Variants in AMMECR1 observed in about 807,000 individuals in gnomAD.
AMMECR1 encodes the protein nuclear protein AMMECR1.
AMMECR1 carries 3 observed loss-of-function variants against 22.5 expected under a neutral mutation model. That is an observed-to-expected ratio of 0.13 (90% confidence interval 0.06 to 0.35). The LOEUF (loss-of-function observed/expected upper bound fraction) is 0.35, where lower values mean the gene tolerates loss of function less well. Ranked by LOEUF, AMMECR1 falls within the 10% of genes least tolerant of loss-of-function variation. The probability of loss-of-function intolerance (pLI) is 1.00; values close to 1 mark genes in which losing one functional copy is unlikely to be tolerated. For missense variants in AMMECR1, 235 were observed against 278.7 expected (o/e 0.84, Z 1.12); for synonymous variants, 130 against 116.7 (o/e 1.11, Z -0.74).
At chrX:110,339,701 G>A (rs1460993995) in intron 2 of AMMECR1, among the ~76,000 whole-genome samples, 3 of 109,888 alleles carry the variant, frequency 2.7e-5, no homozygotes, top group Non-Finnish European at 5.7e-5. Flanking sequence ...TCTCCATATT[G>A]GTCAGGCTGG....
chrX:110,434,458 C>T (rs1000749741), intron 1 of AMMECR1, among the ~76,000 whole-genome samples: 1 of 111,475 alleles, frequency 9.0e-6, no homozygotes, highest in African/African-American at 3.3e-5. Context: ...CTCTGAACCA[C>T]GACCGTGGCA....
chrX:110,381,993 C>T (rs1218439733), intron 2 of AMMECR1, among the ~76,000 whole-genome samples: 1 of 110,543 alleles, frequency 9.0e-6, no homozygotes, highest in African/African-American at 3.3e-5. Flanking sequence ...ACATGTACCC[C>T]CTGAATCTAA....
chrX:110,396,954 G>C (rs964243566), intron 2 of AMMECR1, among the ~76,000 whole-genome samples: 2 of 111,618 alleles, frequency 1.8e-5, no homozygotes, highest in African/African-American at 6.5e-5. Flanking sequence ...CTACAGGCAG[G>C]CTGGCCACAC....
At chrX:110,397,463 G>A (rs1474409954) in intron 2 of AMMECR1, among the ~76,000 whole-genome samples, 1 of 109,750 alleles carries the variant, frequency 9.1e-6, no homozygotes, top group Admixed American at 9.8e-5. Flanking sequence ...GCCAAGCAGA[G>A]GACAATGAAG....
chrX:110,231,310 G>A (rs757412588), intron 2 of AMMECR1, among the ~76,000 whole-genome samples: 15 of 111,365 alleles, frequency 1.3e-4, no homozygotes, highest in South Asian at 7.4e-4. Context: ...AGGGAACAGC[G>A]GATCTCTCAG....
rs1225190143 is a variant in AMMECR1 at position 110,331,795 on chromosome X, C to G, written c.-147-13946G>C. 3.6e-5 allele frequency among the ~76,000 whole-genome samples: 4 copies of G among 112,018 alleles called. No individual in the cohort carries two copies. The South Asian group carries it at 1.5e-3, about 42-fold the overall frequency. ...CTGCAGACTAGTTCTCTAGCGTTGT[C>G]TTTCACCATTATCCTCCCCCCAAGA... On this transcript the variant is annotated intron_variant, in intron 2 of 7. Coordinates refer to the AMMECR1 transcript ENST00000372057.
chrX:110,387,252 C>G (rs1274266050), intron 2 of AMMECR1, among the ~76,000 whole-genome samples: 1 of 112,462 alleles, frequency 8.9e-6, no homozygotes, highest in Non-Finnish European at 1.9e-5. Flanking sequence ...TGAAGACTTA[C>G]GTGGCCTCTG....
chrX:110,317,829 CCCGCCG>C lies in AMMECR1; in HGVS notation c.237_242del (p.Gly81_Gly82del), dbSNP rs763207969. The C allele has an allele frequency of 7.8e-6, 9 of 1,152,603 alleles. No homozygotes were observed. Among genetic ancestry groups the C allele is most frequent in the Non-Finnish European group, 8.1e-6 (7 of 865,843 alleles). 95.0% of individuals were successfully genotyped at this position (1,152,603 alleles called of 1,213,427 possible). On this transcript the variant is annotated inframe_deletion, in exon 1 of 6. Coordinates refer to ENST00000262844, the MANE Select transcript of AMMECR1 (RefSeq NM_015365.3). ...TCGGAGGTGGCGACAGGGCGATCCC[CCCGCCG>C]CCGCCGCCGCAGCCCTGGGGGGGAG...
intron 1 of AMMECR1, among the ~76,000 whole-genome samples, chrX:110,271,492 T>C (rs1226415497): frequency 3.6e-5 from 4 of 112,073 alleles, no homozygotes; most frequent in Non-Finnish European, 5.6e-5. Context: ...AGCACAAGCA[T>C]ACTTTAAGGG....
intron 2 of AMMECR1, among the ~76,000 whole-genome samples, chrX:110,255,087 G>GGGAT (rs779399138): frequency 6.2e-5 from 7 of 112,158 alleles, no homozygotes; most frequent in Non-Finnish European, 1.1e-4. Context: ...CTTCCTCTTC[G>GGGAT]GGATTTGTCA....
intron 1 of AMMECR1, among the ~76,000 whole-genome samples, chrX:110,292,300 G>A (rs1258302545): frequency 8.9e-6 from 1 of 111,836 alleles, no homozygotes; most frequent in Non-Finnish European, 1.9e-5. Flanking sequence ...GACAGTTTGA[G>A]AGTTTCTTAC....
At chrX:110,346,338 C>G (rs1373188943) in intron 2 of AMMECR1, among the ~76,000 whole-genome samples, 2 of 111,802 alleles carry the variant, frequency 1.8e-5, no homozygotes, top group African/African-American at 6.5e-5. Flanking sequence ...AAAGGAACTA[C>G]AAATGGTCAT....
At chrX:110,265,214 T>C (rs766904506) in intron 1 of AMMECR1, among the ~76,000 whole-genome samples, 21 of 111,177 alleles carry the variant, frequency 1.9e-4, no homozygotes, top group African/African-American at 5.5e-4. Flanking sequence ...AAAAAGGAAA[T>C]AGATACTATA....
At chrX:110,405,088 TC>T (rs35297150) in intron 2 of AMMECR1, among the ~76,000 whole-genome samples, 7,713 of 73,690 alleles carry the variant, frequency 0.1, 740 homozygotes, top group African/African-American at 0.28. Context: ...GCTTGTTGTG[TC>T]CCCCCCCCCC....
chrX:110,257,639 C>T (rs1190324033), intron 2 of AMMECR1, among the ~76,000 whole-genome samples: 3 of 111,898 alleles, frequency 2.7e-5, no homozygotes, highest in Non-Finnish European at 5.6e-5. Flanking sequence ...GTGGTACATA[C>T]TGTTTTGCTT....
At chrX:110,383,233 A>G (rs1246587576) in intron 2 of AMMECR1, among the ~76,000 whole-genome samples, 1 of 111,211 alleles carries the variant, frequency 9.0e-6, no homozygotes, top group African/African-American at 3.3e-5. Context: ...TCTTCTTCCC[A>G]GGAGGCTTGC....
intron 2 of AMMECR1, among the ~76,000 whole-genome samples, chrX:110,409,087 G>T (rs772261523): frequency 8.9e-6 from 1 of 111,757 alleles, no homozygotes; most frequent in African/African-American, 3.2e-5. Context: ...TAACTGAGGT[G>T]CTTATAAATA....
chrX:110,411,754 T>C (rs1215551279), intron 2 of AMMECR1, among the ~76,000 whole-genome samples: 1 of 112,551 alleles, frequency 8.9e-6, no homozygotes, highest in East Asian at 2.8e-4. Flanking sequence ...AAGAAGTGCA[T>C]TATTTTCTTT....
At chrX:110,417,221 T>C (rs907429014) in intron 2 of AMMECR1, among the ~76,000 whole-genome samples, 1 of 111,970 alleles carries the variant, frequency 8.9e-6, no homozygotes, top group Non-Finnish European at 1.9e-5. Flanking sequence ...GCCTAGACAA[T>C]GGCGGCTGCT....
Sources: gnomAD v4.1 joint callset for allele counts (sites outside exome capture counted in the v4.1 genomes callset) on GRCh38, gnomAD v4.1.1 for gene constraint, MANE v1.5 for transcripts, NCBI Gene and HGNC (gene_info 2026-07-23, HGNC 2026-07-21) for gene names.